The following ZNF804B variants were observed in gnomAD, a reference collection of about 807,000 sequenced individuals.
The protein encoded by ZNF804B is zinc finger 804B.
A neutral mutation model predicts 101.4 loss-of-function variants in ZNF804B; 80 were observed. The ratio of observed to expected loss-of-function variants is 0.79; its 90% confidence interval spans 0.66 to 0.95. The LOEUF is 0.95. Ranked by LOEUF, ZNF804B falls within the 40% of genes least tolerant of loss-of-function variation. ZNF804B has a pLI of 0.00. For missense variants in ZNF804B, 1,673 were observed against 1,561.9 expected, an observed-to-expected ratio of 1.07 and a Z score of -1.20; for synonymous variants, 622 against 558.8, an observed-to-expected ratio of 1.11 and a Z score of -1.59.
intron 1 of ZNF804B, among the ~76,000 whole-genome samples, chr7:89,074,577 T>G (rs1282274090): frequency 6.6e-6 from 1 of 152,222 alleles, no homozygotes; most frequent in Non-Finnish European, 1.5e-5. Flanking sequence ...TGTGGAACTA[T>G]AAGTCCATTA....
chr7:88,846,839 ATGT>A (rs1016003271), intron 1 of ZNF804B, among the ~76,000 whole-genome samples: 7 of 151,696 alleles, frequency 4.6e-5, no homozygotes, highest in South Asian at 2.1e-4. Flanking sequence ...GTGTATATAT[ATGT>A]TGTTGTATAT....
At chr7:89,171,366 TCCTC>T (rs1791230851) in intron 1 of ZNF804B, among the ~76,000 whole-genome samples, 1 of 118,584 alleles carries the variant, frequency 8.4e-6, no homozygotes, top group African/African-American at 3.3e-5. Context: ...TTCCTCCTCT[TCCTC>T]TTCTTCCTCT....
At chr7:89,332,808 TATTATA>T (rs2115995446) in intron 3 of ZNF804B, among the ~76,000 whole-genome samples, 1 of 151,964 alleles carries the variant, frequency 6.6e-6, no homozygotes, top group South Asian at 2.1e-4. Context: ...ATTATGCATT[TATTATA>T]ATTAGTCAAA....
At chr7:89,289,037 G>A (rs993419897) in intron 2 of ZNF804B, among the ~76,000 whole-genome samples, 3 of 152,104 alleles carry the variant, frequency 2.0e-5, no homozygotes, top group African/African-American at 7.2e-5. Flanking sequence ...AGTTAAGAGT[G>A]CATACTTTAA....
rs185501479 is a variant in ZNF804B at position 89,292,694 on chromosome 7, A to G, written c.250-34650A>G. Among the ~76,000 whole-genome samples the G allele has an allele frequency of 6.3e-4, 90 of 143,318 alleles. 1 individual carries two copies. The East Asian group carries it at 0.017, about 27-fold the overall frequency. The allele number at this position is 143,318 out of a possible 152,430, so 94.0% of individuals were successfully genotyped here. Reference sequence around the variant, plus strand: ...ACAAATTAAAAAATGGCACTAGTGAATCCTTACTTACCAATAACATCGAAT... The same window carrying G: ...ACAAATTAAAAAATGGCACTAGTGAGTCCTTACTTACCAATAACATCGAAT... On this transcript the variant is annotated intron_variant, in intron 2 of 3. Transcript: ENST00000333190.
In ZNF804B at chr7:88,806,395, C is replaced by G. The variant is rs542406007; in HGVS notation, c.108+46311C>G. Among the ~76,000 whole-genome samples the G allele has an allele frequency of 3.9e-5, 6 of 152,146 alleles. No homozygotes were observed. The East Asian group carries it at 1.2e-3, about 29-fold the overall frequency. The stretch of plus-strand genomic sequence containing the variant: ...TAGTTTGGATTTAAGAGAGGCCACA[C>G]TTTTTTGGTTTGGTTTTCTGGGAAG... On this transcript the variant is annotated intron_variant, in intron 1 of 3. Coordinates refer to ENST00000333190, the MANE Select transcript of ZNF804B (RefSeq NM_181646.5).
At chr7:89,208,876 C>G (rs1421813852) in intron 1 of ZNF804B, among the ~76,000 whole-genome samples, 1 of 151,978 alleles carries the variant, frequency 6.6e-6, no homozygotes, top group Non-Finnish European at 1.5e-5. Context: ...GCCGGGCGAG[C>G]TGGCAGGCCC....
intron 1 of ZNF804B, among the ~76,000 whole-genome samples, chr7:88,846,891 A>C (rs1277735809): frequency 7.0e-6 from 1 of 142,734 alleles, no homozygotes; most frequent in Non-Finnish European, 1.5e-5. Context: ...ATATACACAT[A>C]TTTTATATGT....
At chr7:89,092,342 G>C (rs985232780) in intron 1 of ZNF804B, among the ~76,000 whole-genome samples, 1 of 150,514 alleles carries the variant, frequency 6.6e-6, no homozygotes, top group Non-Finnish European at 1.5e-5. Context: ...ACATTCAGAC[G>C]ATAGCATCGT....
intron 1 of ZNF804B, among the ~76,000 whole-genome samples, chr7:89,153,398 C>T (rs1004740663): frequency 4.7e-5 from 7 of 148,770 alleles, no homozygotes; most frequent in African/African-American, 1.7e-4. Context: ...GATGCTGGTA[C>T]TTTAACACTA....
intron 1 of ZNF804B, among the ~76,000 whole-genome samples, chr7:88,872,655 T>C (rs1791849526): frequency 6.6e-6 from 1 of 151,218 alleles, no homozygotes; most frequent in African/African-American, 2.4e-5. Context: ...GAGTGTGATG[T>C]TCCCCTTCCT....
chr7:88,797,193 A>G (rs1301762641), intron 1 of ZNF804B, among the ~76,000 whole-genome samples: 3 of 152,010 alleles, frequency 2.0e-5, no homozygotes, highest in Non-Finnish European at 2.9e-5. Context: ...TCCAAGTTAT[A>G]TACTCCAACT....
chr7:89,109,129 G>A (rs879436640), intron 1 of ZNF804B, among the ~76,000 whole-genome samples: 2 of 151,648 alleles, frequency 1.3e-5, no homozygotes, highest in Admixed American at 6.6e-5. Flanking sequence ...AATAAATCAC[G>A]CATTACTTGT....
chr7:89,120,692 T>G (rs1790391939), intron 1 of ZNF804B, among the ~76,000 whole-genome samples: 1 of 149,922 alleles, frequency 6.7e-6, no homozygotes, highest in East Asian at 2.0e-4. Context: ...TCCAAAAATC[T>G]ACTTTTAGTC....
chr7:89,218,322 A>G, intron 2 of ZNF804B, 27 bp downstream of exon 2: 6 of 1,612,478 alleles, frequency 3.7e-6, no homozygotes, highest in Non-Finnish European at 5.1e-6. Context: ...AAAGTCCTTC[A>G]TATTCCTGTA....
intron 1 of ZNF804B, among the ~76,000 whole-genome samples, chr7:89,050,984 T>G (rs944213910): frequency 4.0e-5 from 3 of 74,160 alleles, no homozygotes; most frequent in Non-Finnish European, 7.8e-5. Context: ...AGTTTGTTTC[T>G]TTTTTTTAAC....
At chr7:89,077,896 A>G (rs1162967252) in intron 1 of ZNF804B, among the ~76,000 whole-genome samples, 1 of 152,148 alleles carries the variant, frequency 6.6e-6, no homozygotes, top group African/African-American at 2.4e-5. Context: ...AAGGGTTTTT[A>G]TCATATGACC....
chr7:89,206,857 T>C (rs1011304582), intron 1 of ZNF804B, among the ~76,000 whole-genome samples: 6 of 152,234 alleles, frequency 3.9e-5, no homozygotes, highest in Admixed American at 2.6e-4. Context: ...TTCTGCCAGA[T>C]GCCCTAAATC....
chr7:89,296,339 C>A (rs13229500), intron 2 of ZNF804B, among the ~76,000 whole-genome samples: 1 of 151,632 alleles, frequency 6.6e-6, no homozygotes, highest in African/African-American at 2.4e-5. Context: ...AATGTTTGAC[C>A]TCTTTATTTT....
Sources: gnomAD v4.1 joint callset for allele counts (sites outside exome capture counted in the v4.1 genomes callset) on GRCh38, gnomAD v4.1.1 for gene constraint, MANE v1.5 for transcripts, NCBI Gene and HGNC (gene_info 2026-07-23, HGNC 2026-07-21) for gene names.